The following SRD5A1 variants were observed in gnomAD, a reference collection of about 807,000 sequenced individuals.
SRD5A1 encodes 3-oxo-5-alpha-steroid 4-dehydrogenase 1.
In SRD5A1, 22 loss-of-function variants were observed where a neutral mutation model predicts 28.2. That is an observed-to-expected ratio of 0.78 (90% CI 0.56 to 1.12). The LOEUF (loss-of-function observed/expected upper bound fraction) is 1.12, where lower values mean the gene tolerates loss of function less well. Among genes scored for constraint, SRD5A1 ranks in the 50% most tolerant of loss-of-function variants. The pLI is 0.00. For missense variants in SRD5A1, 300 were observed against 346.7 expected (o/e 0.87, Z 1.07); for synonymous variants, 151 against 135.0 (o/e 1.12, Z -0.82).
At chr5:6,637,485 G>A (rs922780243) in intron 1 of SRD5A1, among the ~76,000 whole-genome samples, 3 of 152,088 alleles carry the variant, frequency 2.0e-5, no homozygotes, top group Admixed American at 6.5e-5. Flanking sequence ...GAACTGTGTC[G>A]GAGTCGCTGG....
rs567484916 is a variant in SRD5A1, at chr5:6,640,862, C to G, written c.293+6993C>G. Among the ~76,000 whole-genome samples, 4 of 152,338 alleles carry G rather than the reference C, an allele frequency of 2.6e-5. No individual in the cohort carries two copies. In the East Asian group the frequency reaches 5.8e-4, roughly 22 times the overall value. On this transcript the variant is annotated intron_variant, in intron 1 of 4. Transcript: ENST00000274192. ...GATATATGACACATTACTCAACATCCTTTTTAATCCAAGTGCTTCATAGTT... is the reference window on the plus strand; with the variant it reads ...GATATATGACACATTACTCAACATCGTTTTTAATCCAAGTGCTTCATAGTT...
At chr5:6,634,035 A>C (rs1053892512) in intron 1 of SRD5A1, among the ~76,000 whole-genome samples, 166 bp downstream of exon 1, 4 of 151,946 alleles carry the variant, frequency 2.6e-5, no homozygotes, top group African/African-American at 9.7e-5. Context: ...CCCTTCCCCG[A>C]GTCCCCCGGC....
chr5:6,650,568 C>CT (rs1490767506), intron 1 of SRD5A1, among the ~76,000 whole-genome samples: 4 of 151,810 alleles, frequency 2.6e-5, no homozygotes, highest in African/African-American at 9.7e-5. Flanking sequence ...ATTTCTTGTC[C>CT]TTTTATTTTA....
Position 6,633,729 on chromosome 5 carries a change from G to C in SRD5A1, c.153G>C (p.Pro51=), listed in dbSNP as rs758305113. ...TGCCCAGCCACAGGCTCCGAGTGCC[G>C]GCGCGGGCCGCCTGGGTGGTGCAGG... ...HALPSHRLRV[P]ARAAWVVQEL... is the part of the protein sequence containing the mutation. Residue 51 remains proline (P), a synonymous_variant, in exon 1 of 5, where the codon CCG becomes CCC. Transcript: ENST00000274192. 6.3e-7 allele frequency: 1 copy of C among 1,594,336 alleles called. No homozygotes were observed. Among genetic ancestry groups the C allele is most frequent in the South Asian group, 1.1e-5 (1 of 90,820 alleles).
At chr5:6,633,987 T>A in intron 1 of SRD5A1, 118 bp downstream of exon 1, 1 of 1,108,088 alleles carries the variant, frequency 9.0e-7, no homozygotes, top group Non-Finnish European at 1.3e-6. Context: ...GCCCTCTCCC[T>A]GCCAGATCCC....
At chr5:6,653,654 G>A (rs1738751073) in intron 2 of SRD5A1, 2 of 152,190 alleles carry the variant, frequency 1.3e-5, no homozygotes, top group South Asian at 4.1e-4. Flanking sequence ...GGAATAAGAG[G>A]AAGGGGAATT....
intron 4 of SRD5A1, among the ~76,000 whole-genome samples, chr5:6,666,693 T>C (rs1739193832): frequency 1.3e-5 from 2 of 152,202 alleles, no homozygotes; most frequent in Non-Finnish European, 2.9e-5. Flanking sequence ...TTCTGTGAAA[T>C]ACACTTAACC....
intron 3 of SRD5A1, among the ~76,000 whole-genome samples, chr5:6,659,927 A>T (rs1362047825): frequency 1.3e-5 from 2 of 152,132 alleles, no homozygotes; most frequent in African/African-American, 4.8e-5. Context: ...GGGCGTTTTC[A>T]TGTGACACAT....
At chr5:6,639,343 C>G (rs482121) in intron 1 of SRD5A1, among the ~76,000 whole-genome samples, 25,775 of 152,148 alleles carry the variant, frequency 0.17, 2,393 homozygotes, top group East Asian at 0.23. Context: ...TGGAGCAGGT[C>G]CCATCGAGCA....
In SRD5A1 at chr5:6,670,120, T is replaced by A. The variant is rs1301015166; in HGVS notation, c.*1852T>A. The A allele has an allele frequency of 3.3e-5, 5 of 152,212 alleles. No individual in the cohort carries two copies. The highest frequency in any genetic ancestry group is 7.3e-5 in the Non-Finnish European group (5 of 68,094). 9.4% of individuals were successfully genotyped at this position (152,212 alleles called of 1,614,324 possible). A position where few individuals can be genotyped will look rare whatever the true frequency, so the allele number is the denominator to read the frequency against. On this transcript the variant is annotated 3_prime_UTR_variant, in exon 5 of 5. Transcript: ENST00000274192. Reference sequence around the variant, plus strand: ...GCCCAGAAATGAGCCATGTGCCCATTGCCGGGGAAGAGAAGGTAGGCTGAG... The same window carrying A: ...GCCCAGAAATGAGCCATGTGCCCATAGCCGGGGAAGAGAAGGTAGGCTGAG...
intron 1 of SRD5A1, among the ~76,000 whole-genome samples, chr5:6,637,141 C>A (rs1314934779): frequency 2.0e-5 from 3 of 152,148 alleles, no homozygotes; most frequent in Non-Finnish European, 2.9e-5. Flanking sequence ...TCATGTAGAG[C>A]ATGGAGTGGC....
chr5:6,656,115 C>A lies in SRD5A1; in HGVS notation c.498C>A (p.Ile166=). The A allele has an allele frequency of 6.2e-7, 1 of 1,613,982 alleles. No individual in the cohort carries two copies. Among genetic ancestry groups the A allele is most frequent in the Non-Finnish European group, 8.5e-7 (1 of 1,179,942 alleles). ...GLWLTGMLIN[I]HSDHILRNLR... ...GGTTAACGGGCATGTTGATAAACATCCATTCAGATCATATCCTAAGGAATC... is the reference window on the plus strand; with the variant it reads ...GGTTAACGGGCATGTTGATAAACATACATTCAGATCATATCCTAAGGAATC... Residue 166 remains isoleucine (I), a synonymous_variant, in exon 3 of 5, where the codon ATC becomes ATA. Transcript: ENST00000274192.
rs567046456 is a variant in SRD5A1 at position 6,674,275 on chromosome 5, C to A, written c.*6007C>A. On this transcript the variant is annotated 3_prime_UTR_variant, in exon 5 of 5. Transcript: ENST00000274192. ...AATGCAAGATGTTAATAGGGGAAAT[C>A]GTGTTGGAGAGAGAGATATGTGAGA... The A allele has an allele frequency of 1.3e-5, 2 of 151,890 alleles. No homozygotes were observed. The highest frequency in any genetic ancestry group is 2.9e-5 in the Non-Finnish European group (2 of 68,016). The allele number at this position is 151,890 out of a possible 1,614,324, so 9.4% of individuals were successfully genotyped here.
intron 1 of SRD5A1, 78 bp from the exon 2 acceptor site, chr5:6,651,764 C>A: frequency 3.7e-6 from 5 of 1,361,824 alleles, no homozygotes; most frequent in South Asian, 3.0e-5. Context: ...ATTTAAAACC[C>A]AAATCATTTA....
chr5:6,658,425 C>T (rs1738896315), intron 3 of SRD5A1, among the ~76,000 whole-genome samples: 1 of 152,214 alleles, frequency 6.6e-6, no homozygotes, highest in African/African-American at 2.4e-5. Flanking sequence ...AAACTTATTA[C>T]CTGTCGCAGT....
At position 6,662,810 on chromosome 5, in the gene SRD5A1, T is replaced by C. The variant is rs200640087; in HGVS notation, c.563-6T>C. ...ATGCACTACTTTGGTCTGTGTTTTCTTCTAGGAGGCTTATTTGAATACGTA... is the reference window on the plus strand; with the variant it reads ...ATGCACTACTTTGGTCTGTGTTTTCCTCTAGGAGGCTTATTTGAATACGTA... On this transcript the variant is annotated splice_region_variant and splice_polypyrimidine_tract_variant and intron_variant, in intron 3 of 4. Coordinates refer to ENST00000274192, the MANE Select transcript of SRD5A1 (RefSeq NM_001047.4). 1.9e-6 allele frequency: 3 copies of C among 1,612,062 alleles called. No homozygotes were observed. The Admixed American group carries it at 5.0e-5, about 27-fold the overall frequency.
chr5:6,651,981 T>G lies in SRD5A1; in HGVS notation c.433T>G (p.Trp145Gly), dbSNP rs1218296270. Residue 145 changes from tryptophan to glycine, a missense_variant, in exon 2 of 5, where the codon TGG becomes GGG. Trp to Gly is a radical substitution (Grantham distance 184). Coordinates refer to ENST00000274192, the MANE Select transcript of SRD5A1 (RefSeq NM_001047.4). ...CCATTGTGCAGTGTATGCTGATGAC[T>G]GGGTAACAGATCCCCGTTTTCTAAT... ...LSHCAVYADD[W>G]VTDPRFLIGF... 10 of 1,613,732 alleles carry G rather than the reference T, an allele frequency of 6.2e-6. No homozygotes were observed. The highest frequency in any genetic ancestry group is 8.5e-6 in the Non-Finnish European group (10 of 1,179,722).
At position 6,673,891 on chromosome 5, in the gene SRD5A1, T is replaced by C. The variant is rs1739432542; in HGVS notation, c.*5623T>C. The C allele has an allele frequency of 6.6e-6, 1 of 152,130 alleles. No individual in the cohort carries two copies. The highest frequency in any genetic ancestry group is 1.5e-5 in the Non-Finnish European group (1 of 68,016). The allele number at this position is 152,130 out of a possible 1,614,324, so 9.4% of individuals were successfully genotyped here. The stretch of plus-strand genomic sequence containing the variant: ...GCTAGATACTATATGATCCCAACTG[T>C]ATAACATTCTGAAAAAGGCACAACT... On this transcript the variant is annotated 3_prime_UTR_variant, in exon 5 of 5. Coordinates refer to ENST00000274192, the MANE Select transcript of SRD5A1 (RefSeq NM_001047.4).
intron 2 of SRD5A1, among the ~76,000 whole-genome samples, chr5:6,653,944 G>A (rs8192195): frequency 0.039 from 5,939 of 152,200 alleles, 235 homozygotes; most frequent in South Asian, 0.1. Flanking sequence ...CCTTTTGTGT[G>A]TTATATTTAT....
Sources: allele counts gnomAD v4.1 joint callset (sites outside exome capture counted in the v4.1 genomes callset), GRCh38; gene constraint gnomAD v4.1.1; transcripts MANE v1.5; gene names NCBI Gene and HGNC (gene_info 2026-07-23, HGNC 2026-07-21).